SPIRE1: variants seen among roughly 807,000 people sequenced by gnomAD.
SPIRE1 encodes spire type actin nucleation factor 1, also known as protein spire homolog 1.
In SPIRE1, 40 loss-of-function variants were observed where a neutral mutation model predicts 94.1. The ratio of observed to expected loss-of-function variants is 0.43; its 90% CI spans 0.33 to 0.55. SPIRE1 has a LOEUF of 0.55. SPIRE1 is among the 20% of genes least tolerant of loss of function. The pLI is 0.06. For synonymous variants in SPIRE1, 376 were observed against 371.7 expected (o/e 1.01, Z -0.13); for missense variants, 838 against 975.2 (o/e 0.86, Z 1.87).
intron 2 of SPIRE1, among the ~76,000 whole-genome samples, chr18:12,629,829 G>A (rs957274773): frequency 1.3e-5 from 2 of 152,128 alleles, no homozygotes; most frequent in African/African-American, 4.8e-5. Context: ...AAAAAAATTT[G>A]CATGTCATTT....
chr18:12,657,693 C>A lies in SPIRE1; in HGVS notation c.174G>T (p.Ala58=). The A allele has an allele frequency of 7.1e-7, 1 of 1,406,380 alleles. No homozygotes were observed. The highest frequency in any genetic ancestry group is 9.3e-7 in the Non-Finnish European group (1 of 1,073,500). The allele number at this position is 1,406,380 out of a possible 1,614,324, so 87.1% of individuals were successfully genotyped here. Residue 58 remains alanine, a synonymous_variant, in exon 1 of 17, where the codon GCG becomes GCT. Transcript: ENST00000409402. ...LYNQPINEEQ[A]WAVCYQCCGS... is the part of the protein sequence containing the mutation. ...CGCAGCACTGGTAGCACACGGCCCA[C>A]GCCTGCTCCTCGTTGATGGGCTGGT...
At position 12,449,606 on chromosome 18, in the gene SPIRE1, C is replaced by T. The variant is rs554375912; in HGVS notation, c.*32G>A. 15 of 1,605,468 alleles carry T rather than the reference C, an allele frequency of 9.3e-6. No homozygotes were observed. Among genetic ancestry groups the T allele is most frequent in the East Asian group, 4.5e-5 (2 of 44,634 alleles). On this transcript the variant is annotated 3_prime_UTR_variant, in exon 17 of 17. Coordinates refer to ENST00000409402, the MANE Select transcript of SPIRE1 (RefSeq NM_001128626.2). ...GTGTCCTCGCGCACGGACGCTGACTCGTAGCACAAAAGCAGCTGAAAGGCA... is the reference window on the plus strand; with the variant it reads ...GTGTCCTCGCGCACGGACGCTGACTTGTAGCACAAAAGCAGCTGAAAGGCA...
chr18:12,637,869 A>G (rs567674187), intron 1 of SPIRE1, among the ~76,000 whole-genome samples: 8 of 152,356 alleles, frequency 5.3e-5, no homozygotes, highest in African/African-American at 1.2e-4. Flanking sequence ...AGTCTATAAA[A>G]TAAGATTTTT....
In SPIRE1 at chr18:12,449,547, A is replaced by G. The variant is rs970524383; in HGVS notation, c.*91T>C. On this transcript the variant is annotated 3_prime_UTR_variant, in exon 17 of 17. Coordinates refer to ENST00000409402, the MANE Select transcript of SPIRE1 (RefSeq NM_001128626.2). ...TCTAATGCAAATTCAAGCCCATTAA[A>G]TAAAACCACAGAAAGGAGAGCCAGC... The G allele has an allele frequency of 1.5e-5, 20 of 1,346,884 alleles. No individual in the cohort carries two copies. Among genetic ancestry groups the G allele is most frequent in the Middle Eastern group, 5.3e-4 (2 of 3,788 alleles). 83.4% of individuals were successfully genotyped at this position (1,346,884 alleles called of 1,614,324 possible).
intron 2 of SPIRE1, among the ~76,000 whole-genome samples, chr18:12,576,783 G>C (rs1359341321): frequency 6.6e-6 from 1 of 151,368 alleles, no homozygotes; most frequent in Non-Finnish European, 1.5e-5. Flanking sequence ...CAGCTACTTG[G>C]GAGGTTGAGG....
rs187789829 is a variant in SPIRE1 at position 12,482,509 on chromosome 18, A to G, written c.1232-2638T>C. 2.6e-5 allele frequency among the ~76,000 whole-genome samples: 4 copies of G among 152,352 alleles called. No individual in the cohort carries two copies. The East Asian group carries it at 5.8e-4, about 22-fold the overall frequency. ...ATACTTTTTGCTGCAGAAAAAAAAT[A>G]CTGTATTTTAAGATCCATGATTTTA... is the stretch of plus-strand genomic sequence containing the variant. On this transcript the variant is annotated intron_variant, in intron 9 of 16. Coordinates refer to ENST00000409402, the MANE Select transcript of SPIRE1 (RefSeq NM_001128626.2).
intron 12 of SPIRE1, among the ~76,000 whole-genome samples, chr18:12,457,243 A>G (rs142608568): frequency 9.6e-4 from 147 of 152,338 alleles, no homozygotes; most frequent in African/African-American, 3.3e-3. Context: ...GTCAAATGCT[A>G]ATGTTTTAAT....
intron 2 of SPIRE1, among the ~76,000 whole-genome samples, chr18:12,555,794 AAC>A (rs1446177593): frequency 1.3e-5 from 2 of 152,224 alleles, no homozygotes; most frequent in Non-Finnish European, 2.9e-5. Flanking sequence ...ACTGTTATTC[AAC>A]ACAGTACTGG....
intron 3 of SPIRE1, among the ~76,000 whole-genome samples, chr18:12,537,566 T>C (rs1412168786): frequency 6.6e-6 from 1 of 152,198 alleles, no homozygotes; most frequent in Non-Finnish European, 1.5e-5. Flanking sequence ...GTAAAGGTAA[T>C]AGCTAGGTCT....
Position 12,622,551 on chromosome 18 carries a change from T to C in SPIRE1, c.372+12511A>G, listed in dbSNP as rs534856625. Among the ~76,000 whole-genome samples the C allele has an allele frequency of 3.3e-5, 5 of 151,028 alleles. No individual in the cohort carries two copies. In the South Asian group the frequency reaches 1.1e-3, roughly 32 times the overall value. On this transcript the variant is annotated intron_variant, in intron 2 of 16. Transcript: ENST00000409402. ...CATTCTCCTGCCTCAGCCTCCTGAG[T>C]AGCTGGGACTACAGGCACCCACCAC...
chr18:12,625,116 A>C (rs989623080), intron 2 of SPIRE1, among the ~76,000 whole-genome samples: 7 of 152,140 alleles, frequency 4.6e-5, no homozygotes, highest in Non-Finnish European at 7.3e-5. Flanking sequence ...ATAATGTCCT[A>C]GTCTATGTCT....
chr18:12,466,616 G>A (rs893941507), intron 10 of SPIRE1, among the ~76,000 whole-genome samples: 19 of 152,026 alleles, frequency 1.2e-4, no homozygotes, highest in Non-Finnish European at 2.4e-4. Context: ...AGAAAATTAG[G>A]CAAATATATT....
At chr18:12,497,533 C>A (rs2033502185) in intron 6 of SPIRE1, among the ~76,000 whole-genome samples, 1 of 152,096 alleles carries the variant, frequency 6.6e-6, no homozygotes, top group African/African-American at 2.4e-5. Context: ...ACTCAACATC[C>A]ACTCTCCTCT....
chr18:12,515,179 T>A (rs1368167343), intron 4 of SPIRE1, among the ~76,000 whole-genome samples: 1 of 152,146 alleles, frequency 6.6e-6, no homozygotes, highest in Non-Finnish European at 1.5e-5. Context: ...GAAATCATGA[T>A]GAATAAACTC....
chr18:12,480,651 T>C (rs1345264900), intron 9 of SPIRE1, among the ~76,000 whole-genome samples: 1 of 152,170 alleles, frequency 6.6e-6, no homozygotes, highest in African/African-American at 2.4e-5. Context: ...ATAAATAAAC[T>C]AAGGCTCAGA....
chr18:12,615,345 A>AAAAAATATATATATATAT, intron 2 of SPIRE1, among the ~76,000 whole-genome samples: 1 of 17,240 alleles, frequency 5.8e-5, no homozygotes, highest in Non-Finnish European at 1.9e-4. Context: ...AAAAAAAAAA[A>AAAAAATATATATATATAT]ATATATATAT....
chr18:12,642,459 A>C (rs959930357), intron 1 of SPIRE1, among the ~76,000 whole-genome samples: 1 of 152,134 alleles, frequency 6.6e-6, no homozygotes, highest in Non-Finnish European at 1.5e-5. Context: ...CTTCCCAGGG[A>C]CTAGAGTCTC....
At chr18:12,574,083 GTAC>G (rs1414181741) in intron 2 of SPIRE1, among the ~76,000 whole-genome samples, 1 of 152,140 alleles carries the variant, frequency 6.6e-6, no homozygotes, top group African/African-American at 2.4e-5. Context: ...TGTAGTAAAT[GTAC>G]TACATGAACA....
intron 2 of SPIRE1, among the ~76,000 whole-genome samples, chr18:12,634,510 G>A (rs969482009): frequency 2.6e-5 from 4 of 151,726 alleles, no homozygotes; most frequent in Non-Finnish European, 5.9e-5. Flanking sequence ...ATAATAATAC[G>A]GTTAAATTTT....
Sources: allele counts gnomAD v4.1 joint callset (sites outside exome capture counted in the v4.1 genomes callset), GRCh38; gene constraint gnomAD v4.1.1; transcripts MANE v1.5; gene names NCBI Gene and HGNC (gene_info 2026-07-23, HGNC 2026-07-21).